Variants in BCL11A observed in about 807,000 individuals in gnomAD.
BCL11A encodes B cell CLL/lymphoma 11A.
Under a neutral mutation model 55.9 loss-of-function variants are expected in BCL11A, and 2 were observed. That is an observed-to-expected ratio of 0.04 (90% CI 0.01 to 0.11). The LOEUF is 0.11. BCL11A is among the 10% of genes least tolerant of loss of function. The pLI, the probability that BCL11A is intolerant of heterozygous loss-of-function variation, is 1.00. For missense variants in BCL11A, 817 were observed against 1,137.1 expected (o/e 0.72, Z 4.05); for synonymous variants, 465 against 473.4 (o/e 0.98, Z 0.23).
chr2:60,466,876 A>G (rs762015867), intron 3 of BCL11A, among the ~76,000 whole-genome samples: 3 of 151,910 alleles, frequency 2.0e-5, no homozygotes, highest in Non-Finnish European at 4.4e-5. Flanking sequence ...TTTTGTGTTT[A>G]GGGTGGAATC....
intron 2 of BCL11A, chr2:60,543,469 G>A (rs1670013472): frequency 6.6e-6 from 1 of 152,202 alleles, no homozygotes; most frequent in South Asian, 2.1e-4. Context: ...TTGGAATTGT[G>A]CAGACGTGCT....
At chr2:60,472,351 A>T (rs1238458713) in intron 2 of BCL11A, among the ~76,000 whole-genome samples, 1 of 152,264 alleles carries the variant, frequency 6.6e-6, no homozygotes, top group African/African-American at 2.4e-5. Flanking sequence ...TGGTCTCTCA[A>T]ATGGGACACA....
At chr2:60,518,734 G>A (rs1449225684) in intron 2 of BCL11A, among the ~76,000 whole-genome samples, 3 of 152,186 alleles carry the variant, frequency 2.0e-5, no homozygotes, top group Admixed American at 6.5e-5. Context: ...GAATCAGAAC[G>A]TGGGATGGGG....
chr2:60,482,834 C>T (rs527678696), intron 2 of BCL11A, among the ~76,000 whole-genome samples: 1 of 152,332 alleles, frequency 6.6e-6, no homozygotes, highest in Non-Finnish European at 1.5e-5. Context: ...GTAATCATCT[C>T]TTTCTGATGA....
At position 60,457,591 on chromosome 2, in the gene BCL11A, CT is replaced by C. The variant is rs1283823341; in HGVS notation, c.*2812del. 9.6e-7 allele frequency: 1 copy of C among 1,043,758 alleles called. No individual in the cohort carries two copies. The highest frequency in any genetic ancestry group is 1.2e-6 in the Non-Finnish European group (1 of 865,978). The allele number at this position is 1,043,758 out of a possible 1,614,324, so 64.7% of individuals were successfully genotyped here. On this transcript the variant is annotated 3_prime_UTR_variant, in exon 4 of 4. Coordinates refer to ENST00000642384, the MANE Select transcript of BCL11A (RefSeq NM_022893.4). ...TAAAGCGGGCTTTCTCTTTAATATG[CT>C]TTGCATATGAAATTCTTTCCAATCT... is the stretch of plus-strand genomic sequence containing the variant.
chr2:60,518,188 A>T (rs140975154), intron 2 of BCL11A, among the ~76,000 whole-genome samples: 4 of 152,352 alleles, frequency 2.6e-5, no homozygotes, highest in African/African-American at 9.6e-5. Context: ...TTCAAAGAAA[A>T]TATAAAATTT....
intron 2 of BCL11A, among the ~76,000 whole-genome samples, chr2:60,531,353 A>G (rs1471594383): frequency 6.6e-6 from 1 of 152,210 alleles, no homozygotes; most frequent in Non-Finnish European, 1.5e-5. Flanking sequence ...TGCGTTCTGC[A>G]AGAATATTTT....
At chr2:60,520,085 A>G (rs1342858567) in intron 2 of BCL11A, among the ~76,000 whole-genome samples, 2 of 152,210 alleles carry the variant, frequency 1.3e-5, no homozygotes, top group Non-Finnish European at 2.9e-5. Flanking sequence ...ATATAGTATT[A>G]TGGCTTCTTT....
chr2:60,512,274 C>T (rs977223046), intron 2 of BCL11A, among the ~76,000 whole-genome samples: 5 of 152,198 alleles, frequency 3.3e-5, no homozygotes, highest in Admixed American at 2.0e-4. Context: ...CTGCCCGATG[C>T]GCTGATGTGG....
intron 2 of BCL11A, among the ~76,000 whole-genome samples, chr2:60,474,039 C>G (rs1046709408): frequency 6.6e-6 from 1 of 152,162 alleles, no homozygotes. Context: ...TTCCTTGATA[C>G]TTCACCAGTG....
intron 2 of BCL11A, among the ~76,000 whole-genome samples, chr2:60,530,819 C>G (rs955249849): frequency 1.3e-5 from 2 of 152,168 alleles, no homozygotes; most frequent in Admixed American, 6.5e-5. Flanking sequence ...GCACCTCCCC[C>G]ACCTCCCACT....
At chr2:60,496,287 G>C (rs921935451) in intron 2 of BCL11A, among the ~76,000 whole-genome samples, 1 of 152,224 alleles carries the variant, frequency 6.6e-6, no homozygotes, top group Non-Finnish European at 1.5e-5. Flanking sequence ...TACCACAGAT[G>C]GGGGACAGGG....
At chr2:60,454,306 G>A (rs1675847104), downstream of BCL11A, among the ~76,000 whole-genome samples, 2 of 152,176 alleles carry the variant, frequency 1.3e-5, no homozygotes, top group African/African-American at 4.8e-5. Flanking sequence ...AATATGCAGG[G>A]CTTTAGGAGA....
At chr2:60,497,371 T>C (rs1016913794) in intron 2 of BCL11A, among the ~76,000 whole-genome samples, 19 of 152,318 alleles carry the variant, frequency 1.2e-4, no homozygotes, top group Non-Finnish European at 2.5e-4. Context: ...TAGCTAGTAT[T>C]CAAGCATATA....
At chr2:60,524,776 T>G (rs749459351) in intron 2 of BCL11A, 4 of 152,192 alleles carry the variant, frequency 2.6e-5, no homozygotes, top group Non-Finnish European at 5.9e-5. Flanking sequence ...AAGGATAACT[T>G]TGAATGCCCT....
At chr2:60,539,452 AC>A (rs1459798251) in intron 2 of BCL11A, among the ~76,000 whole-genome samples, 1 of 152,174 alleles carries the variant, frequency 6.6e-6, no homozygotes, top group East Asian at 1.9e-4. Context: ...CAAGTTACTA[AC>A]CCTGCTAAGA....
intron 3 of BCL11A, among the ~76,000 whole-genome samples, chr2:60,466,568 AT>A (rs1676628544): frequency 6.6e-6 from 1 of 152,136 alleles, no homozygotes; most frequent in Non-Finnish European, 1.5e-5. Context: ...AATTCACACA[AT>A]AACTCTTTGT....
At chr2:60,464,638 T>C (rs1330033815) in intron 3 of BCL11A, among the ~76,000 whole-genome samples, 1 of 152,262 alleles carries the variant, frequency 6.6e-6, no homozygotes, top group African/African-American at 2.4e-5. Flanking sequence ...TCATAATTAG[T>C]GGTGCTGGTT....
chr2:60,467,184 TGGTGATGGTGGTGGTGATGGC>T (rs1382812289), intron 3 of BCL11A, among the ~76,000 whole-genome samples: 106 of 142,658 alleles, frequency 7.4e-4, no homozygotes, highest in African/African-American at 1.9e-3. Flanking sequence ...GTGGTGGTGG[TGGTGATGGTGGTGGTGATGGC>T]GGTGATGGTA....
Sources: gnomAD v4.1 joint callset for allele counts (sites outside exome capture counted in the v4.1 genomes callset) on GRCh38, gnomAD v4.1.1 for gene constraint, MANE v1.5 for transcripts, NCBI Gene and HGNC (gene_info 2026-07-23, HGNC 2026-07-21) for gene names.